Variants in ARMH4 observed in about 807,000 individuals in gnomAD.
The protein encoded by ARMH4 is armadillo like helical domain containing 4, also known as armadillo-like helical domain-containing protein 4.
Under a neutral mutation model 61.9 loss-of-function variants are expected in ARMH4, and 49 were observed. That is an observed-to-expected ratio of 0.79 (90% CI 0.63 to 1.00). The LOEUF is 1.00. Ranked by LOEUF, ARMH4 falls within the 50% of genes least tolerant of loss-of-function variation. The probability of loss-of-function intolerance (pLI) is 0.00; values close to 1 mark genes in which losing one functional copy is unlikely to be tolerated. For synonymous variants in ARMH4, 368 were observed against 341.5 expected (o/e 1.08, Z -0.85); for missense variants, 934 against 930.0 (o/e 1.00, Z -0.06).
At chr14:58,073,538 T>C (rs1221465182) in intron 5 of ARMH4, among the ~76,000 whole-genome samples, 1 of 152,204 alleles carries the variant, frequency 6.6e-6, no homozygotes, top group Non-Finnish European at 1.5e-5. Flanking sequence ...AGCAATCAAC[T>C]GTTACTTCCT....
At chr14:58,121,455 A>G (rs1197530968) in intron 4 of ARMH4, among the ~76,000 whole-genome samples, 1 of 152,264 alleles carries the variant, frequency 6.6e-6, no homozygotes, top group East Asian at 1.9e-4. Context: ...GCAGGAAAGC[A>G]TACCAGAAAA....
intron 5 of ARMH4, among the ~76,000 whole-genome samples, chr14:58,054,891 AT>A (rs1451943445): frequency 1.3e-5 from 2 of 150,090 alleles, no homozygotes; most frequent in African/African-American, 4.9e-5. Flanking sequence ...AAAAATAATA[AT>A]AATAATAATA....
At chr14:58,067,675 A>G (rs979279412) in intron 5 of ARMH4, among the ~76,000 whole-genome samples, 4 of 152,214 alleles carry the variant, frequency 2.6e-5, no homozygotes, top group African/African-American at 9.7e-5. Context: ...AGGGTTATAT[A>G]GTTTATCCAA....
chr14:58,141,692 A>G, intron 1 of ARMH4: 1 of 336,526 alleles, frequency 3.0e-6, no homozygotes, highest in South Asian at 2.6e-5. Context: ...GAAGGGCAGC[A>G]GCCTTCTGCC....
intron 5 of ARMH4, among the ~76,000 whole-genome samples, chr14:58,087,678 T>C (rs1335722701): frequency 6.6e-6 from 1 of 152,196 alleles, no homozygotes; most frequent in Non-Finnish European, 1.5e-5. Flanking sequence ...GCTGTCTGCC[T>C]GAGATTTTTG....
intron 5 of ARMH4, among the ~76,000 whole-genome samples, chr14:58,095,071 T>C (rs565700094): frequency 1.3e-5 from 2 of 152,334 alleles, no homozygotes; most frequent in South Asian, 4.1e-4. Context: ...TATAGTTTTC[T>C]AAGACCCTCT....
chr14:58,055,379 G>A (rs1282920069), intron 5 of ARMH4, among the ~76,000 whole-genome samples: 1 of 152,136 alleles, frequency 6.6e-6, no homozygotes, highest in Non-Finnish European at 1.5e-5. Flanking sequence ...AGTTTCAAAG[G>A]CTTATGGAGT....
chr14:58,002,505 T>A lies in ARMH4; in HGVS notation c.*2231A>T, dbSNP rs1056391477. 1 of 152,204 alleles carries A rather than the reference T, an allele frequency of 6.6e-6. No homozygotes were observed. Among genetic ancestry groups the A allele is most frequent in the Non-Finnish European group, 1.5e-5 (1 of 68,044 alleles). The allele number at this position is 152,204 out of a possible 1,614,324, so 9.4% of individuals were successfully genotyped here. A position where few individuals can be genotyped will look rare whatever the true frequency, so the allele number is the denominator to read the frequency against. On this transcript the variant is annotated 3_prime_UTR_variant, in exon 8 of 8. Transcript: ENST00000267485. ...TTTGGGAATTTATTACACTACAGTT[T>A]GAAGATTCAACCTATTAGCCATGGT...
At chr14:58,087,157 T>C (rs2141250423) in intron 5 of ARMH4, among the ~76,000 whole-genome samples, 1 of 152,366 alleles carries the variant, frequency 6.6e-6, no homozygotes, top group South Asian at 2.1e-4. Context: ...TCTTCGCTTT[T>C]GGTTTGTTGT....
At chr14:58,013,755 TGGGGC>T (rs1282081539) in intron 5 of ARMH4, among the ~76,000 whole-genome samples, 3 of 152,060 alleles carry the variant, frequency 2.0e-5, no homozygotes, top group Non-Finnish European at 4.4e-5. Flanking sequence ...AAGGTGTCAT[TGGGGC>T]CGAGCACGGT....
chr14:58,134,768 A>G (rs1887247501), intron 2 of ARMH4, among the ~76,000 whole-genome samples: 1 of 151,962 alleles, frequency 6.6e-6, no homozygotes, highest in Admixed American at 6.6e-5. Flanking sequence ...CAGCCTGGCC[A>G]ATATTGTGAA....
intron 5 of ARMH4, among the ~76,000 whole-genome samples, chr14:58,054,825 C>T (rs1884273425): frequency 6.8e-6 from 1 of 147,434 alleles, no homozygotes; most frequent in African/African-American, 2.5e-5. Flanking sequence ...TGCAGTGAGC[C>T]AAGATCGTGC....
intron 4 of ARMH4, among the ~76,000 whole-genome samples, chr14:58,104,352 T>G (rs547285487): frequency 6.6e-6 from 1 of 152,372 alleles, no homozygotes; most frequent in East Asian, 1.9e-4. Context: ...CCTTCAGCAC[T>G]AAGCAACTTA....
At chr14:58,105,356 A>T (rs1008971673) in intron 4 of ARMH4, among the ~76,000 whole-genome samples, 2 of 152,232 alleles carry the variant, frequency 1.3e-5, no homozygotes, top group Admixed American at 6.5e-5. Context: ...TATTCCAAAT[A>T]AAGATAGCAT....
chr14:58,113,860 T>C (rs1000727461), intron 4 of ARMH4, among the ~76,000 whole-genome samples: 1 of 152,016 alleles, frequency 6.6e-6, no homozygotes, highest in African/African-American at 2.4e-5. Flanking sequence ...TTCTATTTGG[T>C]TATTTTTTAA....
At chr14:58,020,230 C>G (rs1882771962) in intron 5 of ARMH4, among the ~76,000 whole-genome samples, 1 of 152,184 alleles carries the variant, frequency 6.6e-6, no homozygotes, top group Non-Finnish European at 1.5e-5. Flanking sequence ...ATGGGTCACT[C>G]TGGGGAGGGG....
chr14:58,071,109 A>T (rs1316479067), intron 5 of ARMH4, among the ~76,000 whole-genome samples: 1 of 151,040 alleles, frequency 6.6e-6, no homozygotes, highest in Non-Finnish European at 1.5e-5. Flanking sequence ...GAATAAGGTG[A>T]GTGCAGGCCC....
At chr14:58,013,058 C>T (rs1410304682) in intron 5 of ARMH4, among the ~76,000 whole-genome samples, 3 of 152,088 alleles carry the variant, frequency 2.0e-5, no homozygotes, top group Non-Finnish European at 2.9e-5. Flanking sequence ...CCTTCATTAT[C>T]AAACAAAAGA....
At chr14:58,081,152 T>G (rs1885213089) in intron 5 of ARMH4, among the ~76,000 whole-genome samples, 1 of 151,180 alleles carries the variant, frequency 6.6e-6, no homozygotes, top group African/African-American at 2.4e-5. Context: ...CTCTCCCAAG[T>G]GAGGTTTCCT....
Sources: allele counts gnomAD v4.1 joint callset (sites outside exome capture counted in the v4.1 genomes callset), GRCh38; gene constraint gnomAD v4.1.1; transcripts MANE v1.5; gene names NCBI Gene and HGNC (gene_info 2026-07-23, HGNC 2026-07-21).